Variants in FOXP1 observed in about 807,000 individuals in gnomAD.
The protein encoded by FOXP1 is forkhead box protein P1.
A neutral mutation model predicts 98.2 loss-of-function variants in FOXP1; 15 were observed. That is an observed-to-expected ratio of 0.15 (90% CI 0.10 to 0.24). FOXP1 has a LOEUF of 0.24. Ranked by LOEUF, FOXP1 falls within the 10% of genes least tolerant of loss-of-function variation. The pLI, the probability that FOXP1 is intolerant of heterozygous loss-of-function variation, is 1.00. For missense variants in FOXP1, 633 were observed against 848.5 expected (o/e 0.75, Z 3.15); for synonymous variants, 371 against 314.5 (o/e 1.18, Z -1.90).
rs957145449 is a variant in FOXP1, at chr3:70,957,525, G to GA, written c.*1721dup. ...TTGTGTAATATCTTTGGTAATTTTA[G>GA]AAAAAAGGTACAAAGAAAGAATATA... On this transcript the variant is annotated 3_prime_UTR_variant, in exon 21 of 21. Coordinates refer to ENST00000649528, the MANE Select transcript of FOXP1 (RefSeq NM_001349338.3). The GA allele has an allele frequency of 5.2e-5, 12 of 230,782 alleles. No individual in the cohort carries two copies. The highest frequency in any genetic ancestry group is 8.6e-5 in the Non-Finnish European group (10 of 116,484). 14.3% of individuals were successfully genotyped at this position (230,782 alleles called of 1,614,324 possible). A position where few individuals can be genotyped will look rare whatever the true frequency, so the allele number is the denominator to read the frequency against.
intron 2 of FOXP1, chr3:71,574,145 A>G (rs1393843886): frequency 6.6e-6 from 1 of 152,194 alleles, no homozygotes; most frequent in Non-Finnish European, 1.5e-5. Context: ...CAGAAATTTT[A>G]AAAGTTTTTA....
At chr3:71,218,378 C>T (rs1480654062) in intron 5 of FOXP1, among the ~76,000 whole-genome samples, 1 of 152,180 alleles carries the variant, frequency 6.6e-6, no homozygotes, top group Non-Finnish European at 1.5e-5. Context: ...TCATTCATAT[C>T]ATTTCTCTTG....
intron 2 of FOXP1, among the ~76,000 whole-genome samples, chr3:71,522,695 A>ATAT: frequency 6.6e-6 from 1 of 152,120 alleles, no homozygotes; most frequent in Non-Finnish European, 1.5e-5. Flanking sequence ...TCTGCCAATC[A>ATAT]TGCACTGATG....
chr3:71,235,209 A>C (rs1231326677), intron 5 of FOXP1, among the ~76,000 whole-genome samples: 1 of 152,198 alleles, frequency 6.6e-6, no homozygotes, highest in East Asian at 1.9e-4. Context: ...GTTTAGGGAA[A>C]AACTTTTTGG....
At chr3:71,024,458 A>G (rs1215150511) in intron 11 of FOXP1, among the ~76,000 whole-genome samples, 1 of 152,194 alleles carries the variant, frequency 6.6e-6, no homozygotes, top group Non-Finnish European at 1.5e-5. Context: ...TCCCACAAAG[A>G]GAAGGGTGTT....
intron 3 of FOXP1, among the ~76,000 whole-genome samples, chr3:71,430,364 G>A (rs968966486): frequency 1.3e-5 from 2 of 152,092 alleles, no homozygotes; most frequent in African/African-American, 4.8e-5. Context: ...CAAAATATCA[G>A]AAAAAGAAAG....
intron 5 of FOXP1, among the ~76,000 whole-genome samples, chr3:71,242,733 T>C (rs1318812522): frequency 1.4e-5 from 2 of 145,268 alleles, no homozygotes; most frequent in Admixed American, 7.0e-5. Flanking sequence ...ATACACAGCA[T>C]GGCAAGCCAA....
chr3:70,990,364 C>G (rs1162777740), intron 13 of FOXP1, among the ~76,000 whole-genome samples: 1 of 152,180 alleles, frequency 6.6e-6, no homozygotes, highest in Non-Finnish European at 1.5e-5. Flanking sequence ...GAAACCACAT[C>G]CTGTCTACAA....
chr3:71,280,703 G>A (rs2071443855), intron 5 of FOXP1, among the ~76,000 whole-genome samples: 1 of 151,878 alleles, frequency 6.6e-6, no homozygotes, highest in Non-Finnish European at 1.5e-5. Context: ...TATGGTAACT[G>A]GCTACCATAT....
chr3:71,028,988 G>T (rs1437832308), intron 11 of FOXP1, among the ~76,000 whole-genome samples: 1 of 152,140 alleles, frequency 6.6e-6, no homozygotes, highest in African/African-American at 2.4e-5. Context: ...GATGGGGAGC[G>T]GCTGTAAATA....
At chr3:71,209,081 T>C (rs2064266772) in intron 5 of FOXP1, among the ~76,000 whole-genome samples, 1 of 152,114 alleles carries the variant, frequency 6.6e-6, no homozygotes, top group Non-Finnish European at 1.5e-5. Context: ...GCTTAACTCT[T>C]TACTGGTGAC....
intron 2 of FOXP1, among the ~76,000 whole-genome samples, chr3:71,569,731 A>G (rs1271268417): frequency 6.6e-6 from 1 of 152,098 alleles, no homozygotes; most frequent in East Asian, 1.9e-4. Context: ...ACAGTTATGG[A>G]TATCATTACG....
chr3:71,221,449 G>A (rs1023311770), intron 5 of FOXP1, among the ~76,000 whole-genome samples: 4 of 152,174 alleles, frequency 2.6e-5, no homozygotes, highest in African/African-American at 7.2e-5. Context: ...AGGATGATAC[G>A]AAGATGGCGA....
intron 4 of FOXP1, among the ~76,000 whole-genome samples, chr3:71,356,468 A>C (rs186289099): frequency 6.6e-6 from 1 of 152,298 alleles, no homozygotes; most frequent in East Asian, 1.9e-4. Flanking sequence ...CCAGTGAACC[A>C]GCAACAGGAT....
intron 4 of FOXP1, among the ~76,000 whole-genome samples, chr3:71,345,124 T>G (rs146814658): frequency 1.6e-4 from 24 of 152,124 alleles, no homozygotes; most frequent in African/African-American, 5.1e-4. Flanking sequence ...GTGTGGTGGC[T>G]CACGCCTGTA....
intron 2 of FOXP1, among the ~76,000 whole-genome samples, chr3:71,532,085 T>C (rs1306934832): frequency 1.3e-5 from 2 of 152,190 alleles, no homozygotes; most frequent in Non-Finnish European, 2.9e-5. Context: ...CTCCATCACC[T>C]GGCACAGCAA....
intron 5 of FOXP1, among the ~76,000 whole-genome samples, chr3:71,238,435 G>T (rs924523031): frequency 1.3e-5 from 2 of 151,886 alleles, no homozygotes; most frequent in Admixed American, 1.3e-4. Context: ...AAGGGGTGTG[G>T]GGGGGTGTGT....
chr3:71,247,589 C>A (rs1010059369), intron 5 of FOXP1, among the ~76,000 whole-genome samples: 1 of 152,190 alleles, frequency 6.6e-6, no homozygotes, highest in Non-Finnish European at 1.5e-5. Flanking sequence ...ACACACCAGG[C>A]AGGAGATTTT....
Position 71,345,443 on chromosome 3 carries a change from C to CAT in FOXP1, c.-73+13705_-73+13706dup, listed in dbSNP as rs1250589026. 4.2e-3 allele frequency among the ~76,000 whole-genome samples: 521 copies of CAT among 122,824 alleles called. 6 individuals carry two copies. Among genetic ancestry groups the CAT allele is most frequent in the African/African-American group, 0.015 (487 of 33,300 alleles). 80.6% of individuals were successfully genotyped at this position (122,824 alleles called of 152,430 possible). A position where few individuals can be genotyped will look rare whatever the true frequency, so the allele number is the denominator to read the frequency against. On this transcript the variant is annotated intron_variant, in intron 4 of 20. Transcript: ENST00000649528. Reference sequence around the variant, plus strand: ...ACACACACACACACACACACACACACATATATATACCAAAAAGATCAAAAC... The same window carrying CAT: ...ACACACACACACACACACACACACACATATATATATACCAAAAAGATCAAAAC...
Sources: gnomAD v4.1 joint callset for allele counts (sites outside exome capture counted in the v4.1 genomes callset) on GRCh38, gnomAD v4.1.1 for gene constraint, MANE v1.5 for transcripts, NCBI Gene and HGNC (gene_info 2026-07-23, HGNC 2026-07-21) for gene names.